PARVA: variants seen among roughly 807,000 people sequenced by gnomAD.
The protein encoded by PARVA is alpha-parvin.
PARVA carries 25 observed loss-of-function variants against 52.6 expected under a neutral mutation model. The observed-to-expected ratio is 0.48, with a 90% confidence interval of 0.35 to 0.66. The LOEUF is 0.66. Among genes scored for constraint, PARVA ranks in the 30% least tolerant of loss-of-function variants. PARVA has a pLI of 0.01. For synonymous variants in PARVA, 185 were observed against 179.1 expected (o/e 1.03, Z -0.26); for missense variants, 373 against 450.9 (o/e 0.83, Z 1.56).
Position 12,520,381 on chromosome 11 carries a change from C to T in PARVA, c.1042+1864C>T, listed in dbSNP as rs1358097706. ...AAGTGAGATTTGGAAGTAAATGATG[C>T]AGACATTTCAAAGGGTGCCAATGTG... On this transcript the variant is annotated intron_variant, in intron 12 of 12. Coordinates refer to ENST00000334956, the MANE Select transcript of PARVA (RefSeq NM_018222.5). 3.9e-5 allele frequency among the ~76,000 whole-genome samples: 6 copies of T among 152,314 alleles called. No individual in the cohort carries two copies. The East Asian group carries it at 9.6e-4, about 24-fold the overall frequency.
rs1941774854 is a variant in PARVA at position 12,531,784 on chromosome 11, A to G, written c.*3859A>G. ...GCTTAACTCTATTGGAAAATCCAAG[A>G]GAATTGCTGCAGCTGCTGAAAACAA... On this transcript the variant is annotated 3_prime_UTR_variant, in exon 13 of 13. Coordinates refer to ENST00000334956, the MANE Select transcript of PARVA (RefSeq NM_018222.5). 6.6e-6 allele frequency among the ~76,000 whole-genome samples: 1 copy of G among 152,040 alleles called. No homozygotes were observed. The highest frequency in any genetic ancestry group is 2.1e-4 in the South Asian group (1 of 4,808).
intron 10 of PARVA, among the ~76,000 whole-genome samples, chr11:12,517,057 C>T (rs1941576419): frequency 6.6e-6 from 1 of 152,086 alleles, no homozygotes; most frequent in Non-Finnish European, 1.5e-5. Flanking sequence ...AACCTCATGC[C>T]ATTCACCTTG....
At chr11:12,410,396 C>T (rs1939977310) in intron 1 of PARVA, among the ~76,000 whole-genome samples, 1 of 152,242 alleles carries the variant, frequency 6.6e-6, no homozygotes, top group South Asian at 2.1e-4. Context: ...GCCAGCTGCT[C>T]CATCTCTTGG....
At position 12,475,968 on chromosome 11, in the gene PARVA, C is replaced by T. The variant is rs11605458; in HGVS notation, c.298-1879C>T. ...GCTGTGCCTGCCGCTGCACACTCTC[C>T]GGGGTGCTGGGCCTGTGTGGGCAAG... On this transcript the variant is annotated intron_variant, in intron 3 of 12. Coordinates refer to ENST00000334956, the MANE Select transcript of PARVA (RefSeq NM_018222.5). Among the ~76,000 whole-genome samples the T allele has an allele frequency of 4.9e-3, 740 of 152,316 alleles. 5 individuals carry two copies. The highest frequency in any genetic ancestry group is 7.5e-3 in the Non-Finnish European group (508 of 68,014).
chr11:12,526,182 G>A (rs1433486787), intron 12 of PARVA, among the ~76,000 whole-genome samples: 2 of 152,252 alleles, frequency 1.3e-5, no homozygotes, highest in Non-Finnish European at 2.9e-5. Context: ...ATTCATTCAT[G>A]TAACAGAAAA....
intron 1 of PARVA, among the ~76,000 whole-genome samples, chr11:12,466,369 T>C (rs1195662408): frequency 6.6e-6 from 1 of 151,082 alleles, no homozygotes; most frequent in Non-Finnish European, 1.5e-5. Flanking sequence ...TGCAGTGGCC[T>C]GATCTCAGCT....
rs539535319 is a variant in PARVA, at chr11:12,407,000, T to C, written c.136+29217T>C. On this transcript the variant is annotated intron_variant, in intron 1 of 12. Transcript: ENST00000334956. ...CTGGTTTTTATTATAAACATTCTTA[T>C]TGACATCTTTTTGTGCATTTTCTTC... is the stretch of plus-strand genomic sequence containing the variant. 2.6e-5 allele frequency among the ~76,000 whole-genome samples: 4 copies of C among 152,300 alleles called. No individual in the cohort carries two copies. The East Asian group carries it at 5.8e-4, about 22-fold the overall frequency.
At chr11:12,381,880 CTT>C (rs60068410) in intron 1 of PARVA, among the ~76,000 whole-genome samples, 2,394 of 152,278 alleles carry the variant, frequency 0.016, 52 homozygotes, top group African/African-American at 0.054. Context: ...AATGTCATGA[CTT>C]TTCTCTGATA....
rs370572029 is a variant in PARVA, at chr11:12,518,450, G to C, written c.975G>C (p.Leu325Phe). 118 of 1,613,454 alleles carry C rather than the reference G, an allele frequency of 7.3e-5. 1 individual carries two copies. In the East Asian group the frequency reaches 1.8e-3, roughly 25 times the overall value. The change falls in exon 12 of 13, where the codon TTG becomes TTC. Residue 325 changes from leucine to phenylalanine, a missense_variant. Transcript: ENST00000334956. ...LTPDSFEQKV[L>F]NVSFAFELMQ... ...GTCTGCATCTCTCTTGCCAGGTCTTGAATGTCTCCTTTGCCTTTGAGCTCA... is the reference window on the plus strand; with the variant it reads ...GTCTGCATCTCTCTTGCCAGGTCTTCAATGTCTCCTTTGCCTTTGAGCTCA...
At chr11:12,377,888 G>A in intron 1 of PARVA, 105 bp downstream of exon 1, 1 of 587,092 alleles carries the variant, frequency 1.7e-6, no homozygotes, top group Non-Finnish European at 2.4e-6. Flanking sequence ...GCGGGTGCCC[G>A]GCGCGGTGGG....
chr11:12,403,841 C>T (rs1939863855), intron 1 of PARVA, among the ~76,000 whole-genome samples: 1 of 152,212 alleles, frequency 6.6e-6, no homozygotes, highest in South Asian at 2.1e-4. Flanking sequence ...ACACCTTGCA[C>T]CTTGCACTTT....
At chr11:12,411,524 A>C (rs1245503927) in intron 1 of PARVA, among the ~76,000 whole-genome samples, 1 of 152,190 alleles carries the variant, frequency 6.6e-6, no homozygotes, top group African/African-American at 2.4e-5. Flanking sequence ...ATAGTACATT[A>C]GGTTGTCACG....
chr11:12,455,564 C>A (rs72862249), intron 1 of PARVA, among the ~76,000 whole-genome samples: 4,041 of 152,146 alleles, frequency 0.027, 81 homozygotes, highest in Non-Finnish European at 0.046. Context: ...TTTGATACAA[C>A]CCTATCTAGT....
At chr11:12,502,549 G>T (rs1352906049) in intron 5 of PARVA, among the ~76,000 whole-genome samples, 1 of 151,616 alleles carries the variant, frequency 6.6e-6, no homozygotes, top group Admixed American at 6.6e-5. Flanking sequence ...TGTTTTAGTT[G>T]CCTAGGTGCC....
chr11:12,417,437 G>A (rs1251332112), intron 1 of PARVA, among the ~76,000 whole-genome samples: 1 of 152,146 alleles, frequency 6.6e-6, no homozygotes. Flanking sequence ...GGGTATATAT[G>A]TAAAAATATA....
intron 1 of PARVA, among the ~76,000 whole-genome samples, chr11:12,437,679 G>C (rs1335084614): frequency 6.6e-6 from 1 of 152,200 alleles, no homozygotes; most frequent in African/African-American, 2.4e-5. Flanking sequence ...AGAGCATCAA[G>C]GCTGTGCTTA....
chr11:12,502,407 G>C (rs895912936), intron 5 of PARVA, among the ~76,000 whole-genome samples: 17 of 140,470 alleles, frequency 1.2e-4, no homozygotes, highest in Admixed American at 1.2e-3. Context: ...ACACAAAATA[G>C]GCATTTTTTT....
chr11:12,466,720 T>G (rs1940858755), intron 1 of PARVA, among the ~76,000 whole-genome samples: 2 of 152,170 alleles, frequency 1.3e-5, no homozygotes, highest in African/African-American at 4.8e-5. Flanking sequence ...ATTTTCTGTT[T>G]TTTTTTTCTA....
At chr11:12,421,515 A>G (rs1047261226) in intron 1 of PARVA, among the ~76,000 whole-genome samples, 3 of 152,188 alleles carry the variant, frequency 2.0e-5, no homozygotes, top group Admixed American at 6.5e-5. Context: ...TGCAGAGTAC[A>G]GTTTTGCTGA....
Sources: allele counts gnomAD v4.1 joint callset (sites outside exome capture counted in the v4.1 genomes callset), GRCh38; gene constraint gnomAD v4.1.1; transcripts MANE v1.5; gene names NCBI Gene and HGNC (gene_info 2026-07-23, HGNC 2026-07-21).